UCKL1: variants seen among roughly 807,000 people sequenced by gnomAD.
The protein encoded by UCKL1 is uridine-cytidine kinase 1 like 1.
Under a neutral mutation model 59.2 loss-of-function variants are expected in UCKL1, and 65 were observed. The ratio of observed to expected loss-of-function variants is 1.10; its 90% confidence interval spans 0.90 to 1.35. UCKL1 has a LOEUF of 1.35. Among genes scored for constraint, UCKL1 ranks in the 40% most tolerant of loss-of-function variants. The probability of loss-of-function intolerance (pLI) is 0.00; values close to 1 mark genes in which losing one functional copy is unlikely to be tolerated. For missense variants in UCKL1, 703 were observed against 784.3 expected (o/e 0.90, Z 1.24); for synonymous variants, 410 against 323.1 (o/e 1.27, Z -2.88).
chr20:63,956,014 T>C (rs1305506311), intron 1 of UCKL1: 3 of 380,934 alleles, frequency 7.9e-6, no homozygotes, highest in Admixed American at 5.0e-5. Flanking sequence ...AGGTCAACGC[T>C]GGGGGTGCGC....
At chr20:63,943,584 C>G (rs1382363936) in intron 8 of UCKL1, 69 bp downstream of exon 8, 1 of 1,609,580 alleles carries the variant, frequency 6.2e-7, no homozygotes, top group African/African-American at 1.3e-5. Context: ...GGATCACAGC[C>G]CAGACCCCAG....
chr20:63,943,561 C>T, intron 8 of UCKL1, 92 bp downstream of exon 8: 1 of 1,588,896 alleles, frequency 6.3e-7, no homozygotes, highest in South Asian at 1.1e-5. Flanking sequence ...GGGGAAGAGC[C>T]AGCTGCCTGG....
intron 1 of UCKL1, among the ~76,000 whole-genome samples, chr20:63,949,407 T>G (rs1432847253): frequency 6.6e-6 from 1 of 152,052 alleles, no homozygotes; most frequent in African/African-American, 2.4e-5. Context: ...CACTCAGGTC[T>G]GCCTGAAGGG....
intron 1 of UCKL1, chr20:63,954,797 C>T (rs1459382377): frequency 2.0e-5 from 3 of 152,284 alleles, no homozygotes; most frequent in Non-Finnish European, 2.9e-5. Context: ...CAGTCTCTGC[C>T]TCGTGGGACA....
Position 63,946,655 on chromosome 20 carries a change from G to A in UCKL1, c.114-12C>T, listed in dbSNP as rs1473850244. On this transcript the variant is annotated splice_polypyrimidine_tract_variant and intron_variant, in intron 1 of 14. Coordinates refer to ENST00000354216, the MANE Select transcript of UCKL1 (RefSeq NM_017859.4). ...ACTCTGCATTGCTGCTGCAGAGAGG[G>A]ATGTACTCGGATGTGGCCCAGAGCT... 1.2e-6 allele frequency: 2 copies of A among 1,602,416 alleles called. No homozygotes were observed. Among genetic ancestry groups the A allele is most frequent in the Non-Finnish European group, 1.7e-6 (2 of 1,178,694 alleles).
At chr20:63,955,390 C>T (rs2058422320) in intron 1 of UCKL1, 1 of 152,262 alleles carries the variant, frequency 6.6e-6, no homozygotes, top group Non-Finnish European at 1.5e-5. Flanking sequence ...GGGGAAAGCT[C>T]TTTCTGCTCA....
intron 8 of UCKL1, among the ~76,000 whole-genome samples, chr20:63,943,059 C>T (rs1014364857): frequency 6.6e-6 from 1 of 152,218 alleles, no homozygotes; most frequent in East Asian, 1.9e-4. Context: ...GTGGCTGACC[C>T]CCCTGCATGC....
At position 63,945,680 on chromosome 20, in the gene UCKL1, T is replaced by C; in HGVS notation, c.625A>G (p.Met209Val). The change falls in exon 5 of 15, where the codon ATG (methionine) becomes GTG (valine). Residue 209 changes from methionine to valine, a missense_variant. Met to Val is a conservative substitution (Grantham distance 21). This residue lies in a region of UCKL1 where 398 missense variants were observed against 373.0 expected (regional missense o/e 1.07). Transcript: ENST00000354216. ...GANVIIFEGI[M>V]AFADKTLLEL... ...AACAGTGTCTTGTCAGCAAAGGCCA[T>C]GATGCCCTCAAAGATGATGACGTTT... The C allele has an allele frequency of 1.2e-6, 2 of 1,613,134 alleles. No individual in the cohort carries two copies. The highest frequency in any genetic ancestry group is 1.7e-6 in the Non-Finnish European group (2 of 1,179,892).
chr20:63,947,808 G>A (rs1005378947), intron 1 of UCKL1, among the ~76,000 whole-genome samples: 5 of 152,256 alleles, frequency 3.3e-5, no homozygotes, highest in African/African-American at 1.2e-4. Context: ...GGAAATCAAC[G>A]GGAGGAAGAC....
chr20:63,946,468 C>A lies in UCKL1; in HGVS notation c.289G>T (p.Glu97Ter). The A allele has an allele frequency of 6.4e-7, 1 of 1,567,204 alleles. No homozygotes were observed. The highest frequency in any genetic ancestry group is 8.7e-7 in the Non-Finnish European group (1 of 1,155,804). ...CTGCTCTCACCGATGGCGAAGGCCTCTTTGGATTGCGTGCCGTGTTCATTG... is the reference window on the plus strand; with the variant it reads ...CTGCTCTCACCGATGGCGAAGGCCTATTTGGATTGCGTGCCGTGTTCATTG... Reference protein sequence around the residue: ...WYNEHGTQSKEAFAIGLGGGS... With the variant: ...WYNEHGTQSK Residue 97 changes from glutamate to a stop codon, truncating the protein, a stop_gained, in exon 2 of 15, where the codon GAG (glutamate) becomes TAG (stop). Coordinates refer to ENST00000354216, the MANE Select transcript of UCKL1 (RefSeq NM_017859.4). LOFTEE classifies it high-confidence loss of function.
Position 63,940,809 on chromosome 20 carries a change from G to A in UCKL1, c.1164C>T (p.Cys388=). 1 of 1,579,192 alleles carries A rather than the reference G, an allele frequency of 6.3e-7. No individual in the cohort carries two copies. Among genetic ancestry groups the A allele is most frequent in the Non-Finnish European group, 8.6e-7 (1 of 1,164,286 alleles). Residue 388 remains cysteine, a synonymous_variant, in exon 11 of 15, where the codon TGC becomes TGT. Coordinates refer to ENST00000354216, the MANE Select transcript of UCKL1 (RefSeq NM_017859.4). Reference sequence around the variant, plus strand: ...AGGCAGGTACCTGCTTCCCCGCATAGCACTTGCCCGCATAGTCCTGCCCCT... The same window carrying A: ...AGGCAGGTACCTGCTTCCCCGCATAACACTTGCCCGCATAGTCCTGCCCCT... ...TPQGQDYAGK[C]YAGKQITGVS...
At chr20:63,940,523 C>A (rs772873178) in intron 12 of UCKL1, 38 bp from the exon 13 acceptor site, 5 of 1,604,798 alleles carry the variant, frequency 3.1e-6, no homozygotes, top group Non-Finnish European at 4.2e-6. Flanking sequence ...GTGGGGCTCC[C>A]TGCGTCCCCT....
In UCKL1 at chr20:63,940,066, G is replaced by GT; in HGVS notation, c.1568-12_1568-11insA. The GT allele has an allele frequency of 9.5e-6, 3 of 316,174 alleles. No homozygotes were observed. The highest frequency in any genetic ancestry group is 1.4e-4 in the Admixed American group (1 of 7,322). 19.6% of individuals were successfully genotyped at this position (316,174 alleles called of 1,614,324 possible). A position where few individuals can be genotyped will look rare whatever the true frequency, so the allele number is the denominator to read the frequency against. The stretch of plus-strand genomic sequence containing the variant: ...GGTCGCCAAAGTTCCCTGGAAAAAG[G>GT]GGGGGGGGGGTCCAGTGTGGTGGGG... On this transcript the variant is annotated splice_polypyrimidine_tract_variant and intron_variant, in intron 14 of 14. Transcript: ENST00000354216.
chr20:63,941,585 C>T (rs1354089482), intron 8 of UCKL1: 4 of 254,332 alleles, frequency 1.6e-5, no homozygotes, highest in Admixed American at 5.4e-5. Flanking sequence ...AGCTTGTCCC[C>T]AGCCTCTCCC....
In UCKL1 at chr20:63,947,921, G is replaced by T. The variant is rs530179881; in HGVS notation, c.114-1278C>A. ...AGTTTACAACCTCAAGTGGGCAGGG[G>T]GCCGTGACTGGCCATGGAGCCCTGG... On this transcript the variant is annotated intron_variant, in intron 1 of 14. Coordinates refer to ENST00000354216, the MANE Select transcript of UCKL1 (RefSeq NM_017859.4). 5.3e-5 allele frequency among the ~76,000 whole-genome samples: 8 copies of T among 152,354 alleles called. No individual in the cohort carries two copies. The East Asian group carries it at 1.5e-3, about 29-fold the overall frequency.
At chr20:63,949,248 C>A (rs933791790) in intron 1 of UCKL1, among the ~76,000 whole-genome samples, 3 of 152,152 alleles carry the variant, frequency 2.0e-5, no homozygotes, top group African/African-American at 7.2e-5. Flanking sequence ...CAGGGCTGAG[C>A]ACAAACAACA....
chr20:63,944,569 G>A lies in UCKL1; in HGVS notation c.820C>T (p.Leu274=), dbSNP rs151031698. 5.5e-5 allele frequency: 88 copies of A among 1,612,052 alleles called. No homozygotes were observed. The African/African-American group carries it at 1.1e-3, about 21-fold the overall frequency. The change falls in exon 6 of 15, where the codon CTG becomes TTG. Residue 274 remains leucine (L), a synonymous_variant. Transcript: ENST00000354216. The part of the protein sequence containing the change: ...FDQYIQPTMR[L]ADIVVPRGSG... ...CCTCTGGGGACCACGATGTCTGCCA[G>A]GCGCATGGTGGGCTGGATGTACTGG... is the stretch of plus-strand genomic sequence containing the variant.
intron 8 of UCKL1, 145 bp from the exon 9 acceptor site, chr20:63,941,353 G>A: frequency 5.5e-6 from 7 of 1,266,876 alleles, no homozygotes; most frequent in Non-Finnish European, 7.6e-6. Flanking sequence ...CTTCTGCCTG[G>A]GGCTGAGCTG....
chr20:63,954,831 C>A (rs914189888), intron 1 of UCKL1: 3 of 152,252 alleles, frequency 2.0e-5, no homozygotes, highest in African/African-American at 7.2e-5. Context: ...CGTGCCCAGC[C>A]CACCGTCTGT....
Sources: gnomAD v4.1 joint callset for allele counts (sites outside exome capture counted in the v4.1 genomes callset) on GRCh38, gnomAD v4.1.1 for gene constraint, gnomAD v4.1.1 regional missense constraint, MANE v1.5 for transcripts, NCBI Gene and HGNC (gene_info 2026-07-23, HGNC 2026-07-21) for gene names.